Variants in KIF26B observed in about 807,000 individuals in gnomAD.
KIF26B encodes kinesin family member 26B.
In KIF26B, 63 loss-of-function variants were observed where a neutral mutation model predicts 151.2. The ratio of observed to expected loss-of-function variants is 0.42; its 90% CI spans 0.34 to 0.51. KIF26B has a LOEUF of 0.51. KIF26B is among the 20% of genes least tolerant of loss of function. The probability of loss-of-function intolerance (pLI) is 0.07; values close to 1 mark genes in which losing one functional copy is unlikely to be tolerated. For synonymous variants in KIF26B, 1,357 were observed against 1,262.1 expected, an observed-to-expected ratio of 1.08 and a Z score of -1.59; for missense variants, 2,813 against 2,913.6, an observed-to-expected ratio of 0.97 and a Z score of 0.79.
intron 4 of KIF26B, among the ~76,000 whole-genome samples, chr1:245,455,201 C>T (rs766710365): frequency 2.9e-4 from 44 of 152,116 alleles, no homozygotes; most frequent in Non-Finnish European, 3.4e-4. Context: ...AAGCGTCTAT[C>T]ACTTTTTAAA....
intron 2 of KIF26B, among the ~76,000 whole-genome samples, chr1:245,180,892 G>A (rs576003026): frequency 6.6e-6 from 1 of 152,226 alleles, no homozygotes; most frequent in South Asian, 2.1e-4. Flanking sequence ...CTAGAGTGCT[G>A]TGAAACGATC....
intron 4 of KIF26B, among the ~76,000 whole-genome samples, chr1:245,497,685 T>C (rs935161051): frequency 4.6e-5 from 7 of 152,250 alleles, no homozygotes; most frequent in Non-Finnish European, 7.3e-5. Flanking sequence ...TAACTACTCC[T>C]ATAATGTAAA....
rs762324703 is a variant in KIF26B, at chr1:245,686,422, T to C, written c.3439T>C (p.Phe1147Leu). 1.3e-5 allele frequency: 21 copies of C among 1,613,242 alleles called. No homozygotes were observed. The highest frequency in any genetic ancestry group is 1.6e-5 in the Non-Finnish European group (19 of 1,179,856). The change falls in exon 12 of 15, where the codon TTC becomes CTC. Residue 1147 changes from phenylalanine (F) to leucine (L), a missense_variant. Around this residue, in one of 3 missense-constraint regions of KIF26B, gnomAD observed 2,060 missense variants for 2,088.6 expected, o/e 0.99. Coordinates refer to ENST00000407071, the MANE Select transcript of KIF26B (RefSeq NM_018012.4). The surrounding 1 kb of genome is among the most constrained non-coding windows in gnomAD (Gnocchi z 5.6). ...KKSMSAGSEG[F>L]PETPVDDEQQ... ...ATCCATGTCTGCTGGGAGCGAAGGG[T>C]TCCCGGAAACTCCTGTCGATGATGA...
intron 3 of KIF26B, among the ~76,000 whole-genome samples, chr1:245,404,868 G>T (rs1258683290): frequency 6.6e-6 from 1 of 152,158 alleles, no homozygotes; most frequent in Non-Finnish European, 1.5e-5. Context: ...AAAGAATTTG[G>T]AGTTTAGTTT....
At chr1:245,325,340 A>T (rs753668303) in intron 2 of KIF26B, among the ~76,000 whole-genome samples, 1 of 152,176 alleles carries the variant, frequency 6.6e-6, no homozygotes, top group Non-Finnish European at 1.5e-5. Flanking sequence ...CGTGAGCGTC[A>T]TTTGTTGACT....
chr1:245,438,500 G>A (rs1658986768), intron 4 of KIF26B, among the ~76,000 whole-genome samples: 1 of 152,146 alleles, frequency 6.6e-6, no homozygotes, highest in Non-Finnish European at 1.5e-5. Context: ...GTGGAATTGA[G>A]TTTTCACTCT....
chr1:245,509,533 C>G (rs1660789266), intron 4 of KIF26B, among the ~76,000 whole-genome samples: 1 of 152,184 alleles, frequency 6.6e-6, no homozygotes, highest in Non-Finnish European at 1.5e-5. Flanking sequence ...ATAGGTGTTG[C>G]ATTAGGATCT....
At chr1:245,502,663 A>G (rs1660646818) in intron 4 of KIF26B, among the ~76,000 whole-genome samples, 1 of 152,032 alleles carries the variant, frequency 6.6e-6, no homozygotes, top group Non-Finnish European at 1.5e-5. Flanking sequence ...CTCTGTATGT[A>G]TTTGTTGAAT....
chr1:245,647,438 A>AG (rs755444618), intron 10 of KIF26B, among the ~76,000 whole-genome samples: 7,182 of 149,890 alleles, frequency 0.048, 246 homozygotes, highest in South Asian at 0.088. Context: ...AAAAAAAAAA[A>AG]AAAAAGAAAA....
intron 10 of KIF26B, among the ~76,000 whole-genome samples, chr1:245,677,612 C>T (rs2044372015): frequency 6.6e-6 from 1 of 152,242 alleles, no homozygotes; most frequent in South Asian, 2.1e-4. Flanking sequence ...TGCCCTAAGG[C>T]ATTAGCATCC....
At chr1:245,234,901 G>A (rs560254634) in intron 2 of KIF26B, among the ~76,000 whole-genome samples, 1 of 152,142 alleles carries the variant, frequency 6.6e-6, no homozygotes, top group African/African-American at 2.4e-5. Context: ...TAGCCAATCC[G>A]TTGGACACCC....
intron 4 of KIF26B, among the ~76,000 whole-genome samples, chr1:245,439,764 G>A (rs933069477): frequency 6.6e-6 from 1 of 152,172 alleles, no homozygotes; most frequent in African/African-American, 2.4e-5. Context: ...TTGAGGAAGG[G>A]GATGTAAGGA....
At chr1:245,245,736 A>G (rs1350366110) in intron 2 of KIF26B, among the ~76,000 whole-genome samples, 1 of 151,990 alleles carries the variant, frequency 6.6e-6, no homozygotes, top group Non-Finnish European at 1.5e-5. Flanking sequence ...TTCAATACCA[A>G]CCTGGCCAAG....
At chr1:245,176,803 T>C (rs1216971306) in intron 2 of KIF26B, among the ~76,000 whole-genome samples, 1 of 152,220 alleles carries the variant, frequency 6.6e-6, no homozygotes, top group African/African-American at 2.4e-5. Context: ...ATGTTTACTT[T>C]TGAATATAAC....
chr1:245,517,925 T>C lies in KIF26B; in HGVS notation c.1167-22842T>C, dbSNP rs1045322859. 2.1e-5 allele frequency among the ~76,000 whole-genome samples: 3 copies of C among 146,024 alleles called. No homozygotes were observed. In the Admixed American group the frequency reaches 2.1e-4, roughly 10 times the overall value. On this transcript the variant is annotated intron_variant, in intron 4 of 14. Transcript: ENST00000407071. ...TCTCACTCTATCGCGCAGGCCGGAG[T>C]GCAGTGGCACGATCTCGGCTCACTG...
chr1:245,693,416 G>C (rs1393242159), intron 12 of KIF26B, among the ~76,000 whole-genome samples: 1 of 152,200 alleles, frequency 6.6e-6, no homozygotes, highest in Non-Finnish European at 1.5e-5. Context: ...GATATTATTG[G>C]TTGATTCATT....
intron 5 of KIF26B, among the ~76,000 whole-genome samples, chr1:245,587,416 G>C (rs2043240041): frequency 6.6e-6 from 1 of 152,106 alleles, no homozygotes; most frequent in African/African-American, 2.4e-5. Flanking sequence ...CCAGATTAAG[G>C]GGTACTTAAC....
intron 10 of KIF26B, among the ~76,000 whole-genome samples, chr1:245,662,774 C>CACACA (rs1553301919): frequency 1.3e-4 from 9 of 68,090 alleles, no homozygotes; most frequent in Non-Finnish European, 3.0e-5. Context: ...CACACACACA[C>CACACA]ATGCATGCCC....
intron 2 of KIF26B, among the ~76,000 whole-genome samples, chr1:245,278,535 T>G (rs1670979322): frequency 1.3e-5 from 2 of 152,228 alleles, no homozygotes; most frequent in Admixed American, 1.3e-4. Context: ...ATCAGAAATT[T>G]ATTTTTCTTT....
Sources: allele counts gnomAD v4.1 joint callset (sites outside exome capture counted in the v4.1 genomes callset), GRCh38; gene constraint gnomAD v4.1.1; regional missense constraint gnomAD v4.1.1; non-coding constraint Gnocchi (gnomAD v3.1); transcripts MANE v1.5; gene names NCBI Gene and HGNC (gene_info 2026-07-23, HGNC 2026-07-21).